MACC1: variants seen among roughly 807,000 people sequenced by gnomAD.
MACC1 encodes the protein metastasis-associated in colon cancer protein 1.
MACC1 carries 79 observed loss-of-function variants against 70.7 expected under a neutral mutation model. The observed-to-expected ratio is 1.12, with a 90% CI of 0.93 to 1.35. MACC1 has a LOEUF of 1.35. MACC1 is among the 40% of genes most tolerant of loss of function. MACC1 has a pLI of 0.00. For missense variants in MACC1, 1,106 were observed against 978.1 expected, an observed-to-expected ratio of 1.13 and a Z score of -1.74; for synonymous variants, 361 against 347.2, an observed-to-expected ratio of 1.04 and a Z score of -0.44.
intron 2 of MACC1, among the ~76,000 whole-genome samples, chr7:20,166,085 T>G (rs1279021503): frequency 1.3e-5 from 2 of 152,220 alleles, no homozygotes; most frequent in Admixed American, 6.5e-5. Context: ...TGATAGTAAT[T>G]ACATTGTGAA....
rs1583391187 is a variant in MACC1, at chr7:20,164,350, T to G, written c.-103A>C. ...CTCTTCTTTCTAATTCTTGATTTTT[T>G]TCTTTTCAAGTAGTTTTATTTTTTA... On this transcript the variant is annotated 5_prime_UTR_variant, in exon 3 of 7. Coordinates refer to ENST00000400331, the MANE Select transcript of MACC1 (RefSeq NM_182762.4). 1 of 152,368 alleles carries G rather than the reference T, an allele frequency of 6.6e-6. No individual in the cohort carries two copies. Among genetic ancestry groups the G allele is most frequent in the African/African-American group, 2.4e-5 (1 of 41,584 alleles). The allele number at this position is 152,368 out of a possible 1,614,324, so 9.4% of individuals were successfully genotyped here.
chr7:20,196,340 C>A (rs1264251555), intron 1 of MACC1, among the ~76,000 whole-genome samples: 1 of 152,038 alleles, frequency 6.6e-6, no homozygotes, highest in Non-Finnish European at 1.5e-5. Context: ...GCCACCACGC[C>A]CGGCTAATTT....
intron 1 of MACC1, among the ~76,000 whole-genome samples, chr7:20,208,891 T>A (rs3095010): frequency 0.48 from 72,925 of 152,002 alleles, 18,112 homozygotes; most frequent in East Asian, 0.87. Context: ...GTTCCCTGTG[T>A]CCCAGCTGCT....
intron 6 of MACC1, among the ~76,000 whole-genome samples, chr7:20,144,815 G>C (rs998903545): frequency 6.6e-6 from 1 of 151,854 alleles, no homozygotes; most frequent in Non-Finnish European, 1.5e-5. Flanking sequence ...AAACACCAAG[G>C]AAGAGAAAAA....
At chr7:20,197,955 T>A (rs918838789) in intron 1 of MACC1, among the ~76,000 whole-genome samples, 2 of 152,210 alleles carry the variant, frequency 1.3e-5, no homozygotes, top group African/African-American at 2.4e-5. Flanking sequence ...TTTTATGTAA[T>A]AAAAACCATT....
chr7:20,199,551 C>T (rs1181772007), intron 1 of MACC1, among the ~76,000 whole-genome samples: 1 of 152,204 alleles, frequency 6.6e-6, no homozygotes, highest in African/African-American at 2.4e-5. Context: ...CACTATCCTC[C>T]ACCCACACCC....
intron 4 of MACC1, among the ~76,000 whole-genome samples, chr7:20,161,105 G>A (rs1304043833): frequency 6.6e-6 from 1 of 151,960 alleles, no homozygotes; most frequent in African/African-American, 2.4e-5. Flanking sequence ...TGTTTGTGTA[G>A]AGCAACTCGT....
Position 20,213,146 on chromosome 7 carries a change from T to C in MACC1, c.-218+4153A>G, listed in dbSNP as rs1783022518. On this transcript the variant is annotated intron_variant, in intron 1 of 6. Transcript: ENST00000400331. ...GAAGCTCTCTTTTCAAAAGAAGACATACATGTGGCTACCAATCATATGAAA... is the reference window on the plus strand; with the variant it reads ...GAAGCTCTCTTTTCAAAAGAAGACACACATGTGGCTACCAATCATATGAAA... Among the ~76,000 whole-genome samples the C allele has an allele frequency of 2.0e-5, 3 of 152,136 alleles. No homozygotes were observed. The South Asian group carries it at 6.2e-4, about 31-fold the overall frequency.
At chr7:20,211,735 C>T (rs146389533) in intron 1 of MACC1, among the ~76,000 whole-genome samples, 1 of 152,246 alleles carries the variant, frequency 6.6e-6, no homozygotes, top group African/African-American at 2.4e-5. Context: ...GGTACACATG[C>T]CCACGGTTCA....
chr7:20,208,107 G>C (rs1483801139), intron 1 of MACC1, among the ~76,000 whole-genome samples: 1 of 152,180 alleles, frequency 6.6e-6, no homozygotes, highest in Admixed American at 6.5e-5. Context: ...TAAGCTTCCT[G>C]AGGCCTCCCC....
intron 6 of MACC1, among the ~76,000 whole-genome samples, chr7:20,145,709 G>T (rs888310304): frequency 1.3e-5 from 2 of 152,132 alleles, no homozygotes; most frequent in Non-Finnish European, 2.9e-5. Context: ...AAATACAAAA[G>T]GATGTTAAAA....
intron 1 of MACC1, among the ~76,000 whole-genome samples, chr7:20,190,870 G>A (rs986500006): frequency 6.6e-6 from 1 of 152,140 alleles, no homozygotes; most frequent in Non-Finnish European, 1.5e-5. Flanking sequence ...TTTGCTTTCT[G>A]TTTTGTAAAA....
In MACC1 at chr7:20,189,274, A is replaced by G. The variant is rs575943292; in HGVS notation, c.-217-18496T>C. ...ATACAATATGCTATATATTTGACTT[A>G]TTTATTTTATGTCCTATCTCACCAT... On this transcript the variant is annotated intron_variant, in intron 1 of 6. Coordinates refer to ENST00000400331, the MANE Select transcript of MACC1 (RefSeq NM_182762.4). 2.0e-5 allele frequency among the ~76,000 whole-genome samples: 3 copies of G among 152,174 alleles called. No homozygotes were observed. In the South Asian group the frequency reaches 6.2e-4, roughly 32 times the overall value.
At chr7:20,199,571 A>T (rs917174302) in intron 1 of MACC1, among the ~76,000 whole-genome samples, 1 of 152,230 alleles carries the variant, frequency 6.6e-6, no homozygotes, top group African/African-American at 2.4e-5. Flanking sequence ...CTTGTCACAT[A>T]ATCATCAGGA....
intron 1 of MACC1, among the ~76,000 whole-genome samples, chr7:20,191,950 C>T (rs1048440960): frequency 5.9e-5 from 9 of 151,964 alleles, no homozygotes; most frequent in Admixed American, 1.3e-4. Flanking sequence ...ATTTGATATC[C>T]GTTTTTTATC....
chr7:20,143,689 C>A (rs566735315), intron 6 of MACC1, among the ~76,000 whole-genome samples: 8 of 152,148 alleles, frequency 5.3e-5, no homozygotes, highest in African/African-American at 1.9e-4. Context: ...ACGCCCAGCC[C>A]TACATTTGGC....
At chr7:20,177,094 C>T (rs1304460976) in intron 1 of MACC1, among the ~76,000 whole-genome samples, 2 of 152,040 alleles carry the variant, frequency 1.3e-5, no homozygotes, top group African/African-American at 4.8e-5. Flanking sequence ...TGATATTGTG[C>T]TACAGTTATG....
At chr7:20,195,656 G>GT (rs967013928) in intron 1 of MACC1, among the ~76,000 whole-genome samples, 6 of 152,188 alleles carry the variant, frequency 3.9e-5, no homozygotes, top group Non-Finnish European at 7.4e-5. Flanking sequence ...TCTATGGTTG[G>GT]TTTTTTCATC....
chr7:20,175,127 T>C (rs996250332), intron 1 of MACC1, among the ~76,000 whole-genome samples: 1 of 152,098 alleles, frequency 6.6e-6, no homozygotes, highest in African/African-American at 2.4e-5. Flanking sequence ...AGATATCATC[T>C]ACTCTGAGAT....
Sources: gnomAD v4.1 joint callset for allele counts (sites outside exome capture counted in the v4.1 genomes callset) on GRCh38, gnomAD v4.1.1 for gene constraint, MANE v1.5 for transcripts, NCBI Gene and HGNC (gene_info 2026-07-23, HGNC 2026-07-21) for gene names.